The following DTD1 variants were observed in gnomAD, a reference collection of about 807,000 sequenced individuals.
The protein encoded by DTD1 is D-aminoacyl-tRNA deacylase 1.
A neutral mutation model predicts 25.6 loss-of-function variants in DTD1; 13 were observed. That is an observed-to-expected ratio of 0.51 (90% CI 0.33 to 0.81). The LOEUF (loss-of-function observed/expected upper bound fraction) is 0.81. Ranked by LOEUF, DTD1 falls within the 30% of genes least tolerant of loss-of-function variation. The probability of loss-of-function intolerance (pLI) is 0.02; values close to 1 mark genes in which losing one functional copy is unlikely to be tolerated. For missense variants in DTD1, 193 were observed against 266.4 expected (o/e 0.72, Z 1.92); for synonymous variants, 110 against 103.6 (o/e 1.06, Z -0.37).
intron 4 of DTD1, among the ~76,000 whole-genome samples, chr20:18,640,598 G>A (rs1455460322): frequency 6.8e-6 from 1 of 148,138 alleles, no homozygotes; most frequent in South Asian, 2.2e-4. Context: ...ACATTGTTAT[G>A]CAACTTTTAT....
intron 4 of DTD1, among the ~76,000 whole-genome samples, chr20:18,727,080 G>C (rs2061224982): frequency 6.6e-6 from 1 of 152,238 alleles, no homozygotes; most frequent in African/African-American, 2.4e-5. Flanking sequence ...GGAGTCCTTG[G>C]CAGGTGCTGT....
chr20:18,695,166 T>C (rs1200200771), intron 4 of DTD1, among the ~76,000 whole-genome samples: 1 of 151,980 alleles, frequency 6.6e-6, no homozygotes, highest in Non-Finnish European at 1.5e-5. Context: ...CCTTTTCCCT[T>C]GTGCAAGTGT....
At chr20:18,761,904 AATG>A (rs1420425571) in intron 5 of DTD1, among the ~76,000 whole-genome samples, 1 of 152,232 alleles carries the variant, frequency 6.6e-6, no homozygotes, top group East Asian at 1.9e-4. Flanking sequence ...GGTCCCCAGG[AATG>A]ATGTTGTCTG....
intron 4 of DTD1, among the ~76,000 whole-genome samples, chr20:18,740,822 T>C (rs1474745690): frequency 6.6e-6 from 1 of 152,218 alleles, no homozygotes; most frequent in Non-Finnish European, 1.5e-5. Context: ...ACTGTCCTTA[T>C]CATTTCATCA....
chr20:18,688,657 T>G (rs1600369724), intron 4 of DTD1, among the ~76,000 whole-genome samples: 1 of 152,138 alleles, frequency 6.6e-6, no homozygotes, highest in South Asian at 2.1e-4. Flanking sequence ...ACGACCCATC[T>G]TTCTATACTA....
intron 4 of DTD1, among the ~76,000 whole-genome samples, chr20:18,700,868 C>T (rs1251632081): frequency 1.3e-5 from 2 of 152,096 alleles, no homozygotes; most frequent in African/African-American, 2.4e-5. Flanking sequence ...GACAGGGTTG[C>T]GTGGAGACTG....
chr20:18,597,373 A>G (rs1435771736), intron 3 of DTD1, among the ~76,000 whole-genome samples: 2 of 152,208 alleles, frequency 1.3e-5, no homozygotes, highest in African/African-American at 2.4e-5. Context: ...TTATTAAGAT[A>G]TAATACACAT....
At chr20:18,665,899 G>A (rs909193936) in intron 4 of DTD1, among the ~76,000 whole-genome samples, 3 of 152,256 alleles carry the variant, frequency 2.0e-5, no homozygotes, top group Non-Finnish European at 4.4e-5. Flanking sequence ...AGTATAGAGA[G>A]TACCCATATA....
At chr20:18,744,943 G>T (rs13045915) in intron 5 of DTD1, among the ~76,000 whole-genome samples, 21,930 of 152,204 alleles carry the variant, frequency 0.14, 1,684 homozygotes, top group Admixed American at 0.2. Context: ...CCACAGGCCT[G>T]GGGTGCCCAC....
At chr20:18,712,555 C>T (rs1393894204) in intron 4 of DTD1, among the ~76,000 whole-genome samples, 3 of 152,028 alleles carry the variant, frequency 2.0e-5, no homozygotes, top group Admixed American at 6.6e-5. Flanking sequence ...GCATGGACCT[C>T]GACCCGAGAT....
chr20:18,747,433 C>T (rs1265654320), intron 5 of DTD1, among the ~76,000 whole-genome samples: 1 of 152,176 alleles, frequency 6.6e-6, no homozygotes, highest in African/African-American at 2.4e-5. Flanking sequence ...TCTGTGTTTT[C>T]TCAGGCTTCT....
At chr20:18,745,563 G>A (rs1418004543) in intron 5 of DTD1, among the ~76,000 whole-genome samples, 1 of 152,238 alleles carries the variant, frequency 6.6e-6, no homozygotes, top group Non-Finnish European at 1.5e-5. Flanking sequence ...GGAAGGACAG[G>A]TGGCAGTGGG....
intron 4 of DTD1, among the ~76,000 whole-genome samples, chr20:18,668,267 A>G (rs774163072): frequency 2.6e-5 from 4 of 152,232 alleles, no homozygotes; most frequent in Admixed American, 6.5e-5. Flanking sequence ...ATGAGTGCTG[A>G]GTGCTACCTG....
At chr20:18,718,649 A>G (rs192535384) in intron 4 of DTD1, among the ~76,000 whole-genome samples, 1 of 152,326 alleles carries the variant, frequency 6.6e-6, no homozygotes, top group Admixed American at 6.5e-5. Flanking sequence ...TTTTTATTAC[A>G]AATACTTCAG....
chr20:18,595,598 A>C (rs1290654759), intron 2 of DTD1, among the ~76,000 whole-genome samples: 1 of 152,180 alleles, frequency 6.6e-6, no homozygotes, highest in Admixed American at 6.5e-5. Flanking sequence ...AGCTCCAAGA[A>C]GGGGTTTAAA....
intron 3 of DTD1, among the ~76,000 whole-genome samples, chr20:18,606,179 G>T (rs1163126611): frequency 6.7e-6 from 1 of 150,036 alleles, no homozygotes; most frequent in East Asian, 2.0e-4. Flanking sequence ...ATGAAAAAAT[G>T]CTCATCATCA....
intron 1 of DTD1, chr20:18,588,659 T>A: frequency 2.2e-6 from 2 of 894,244 alleles, no homozygotes; most frequent in Non-Finnish European, 2.7e-6. Flanking sequence ...GACTGGAGCC[T>A]AGGCTGGATG....
At chr20:18,729,250 G>T (rs140797784) in intron 4 of DTD1, among the ~76,000 whole-genome samples, 1 of 152,186 alleles carries the variant, frequency 6.6e-6, no homozygotes, top group African/African-American at 2.4e-5. Flanking sequence ...TGATCCTTCC[G>T]CCTCATGGCT....
intron 5 of DTD1, among the ~76,000 whole-genome samples, chr20:18,748,010 T>G (rs974519879): frequency 1.3e-5 from 2 of 151,838 alleles, no homozygotes; most frequent in Admixed American, 1.3e-4. Flanking sequence ...AGAGTGAGAC[T>G]CCATCTCAAA....
Sources: gnomAD v4.1 joint callset for allele counts (sites outside exome capture counted in the v4.1 genomes callset) on GRCh38, gnomAD v4.1.1 for gene constraint, MANE v1.5 for transcripts, NCBI Gene and HGNC (gene_info 2026-07-23, HGNC 2026-07-21) for gene names.